PSMC6: variants seen among roughly 807,000 people sequenced by gnomAD.
PSMC6 encodes proteasome 26S subunit, ATPase 6.
In PSMC6, 3 loss-of-function variants were observed where a neutral mutation model predicts 55.9. The ratio of observed to expected loss-of-function variants is 0.05; its 90% CI spans 0.02 to 0.14. PSMC6 has a LOEUF of 0.14. Ranked by LOEUF, PSMC6 falls within the 10% of genes least tolerant of loss-of-function variation. PSMC6 has a pLI of 1.00. For synonymous variants in PSMC6, 137 were observed against 155.9 expected (o/e 0.88, Z 0.90); for missense variants, 210 against 478.7 (o/e 0.44, Z 5.24).
At chr14:52,713,825 A>C in intron 6 of PSMC6, 56 bp from the exon 7 acceptor site, 1 of 1,153,232 alleles carries the variant, frequency 8.7e-7, no homozygotes, top group Non-Finnish European at 1.3e-6. Flanking sequence ...AGAGTATTTG[A>C]AAGTACATTA....
At chr14:52,714,426 T>C (rs1050063324) in intron 7 of PSMC6, among the ~76,000 whole-genome samples, 13 of 152,232 alleles carry the variant, frequency 8.5e-5, no homozygotes, top group Admixed American at 8.5e-4. Flanking sequence ...TACTGTTCTT[T>C]GAGGCATGCT....
At position 52,718,137 on chromosome 14, in the gene PSMC6, T is replaced by G; in HGVS notation, c.586T>G (p.Leu196Val). The G allele has an allele frequency of 6.2e-7, 1 of 1,613,550 alleles. No individual in the cohort carries two copies. Among genetic ancestry groups the G allele is most frequent in the Non-Finnish European group, 8.5e-7 (1 of 1,179,614 alleles). The change falls in exon 8 of 14, where the codon TTA becomes GTA. Residue 196 changes from leucine (L) to valine (V), a missense_variant. Leu to Val is a conservative substitution (Grantham distance 32). This residue lies in a region of PSMC6 where 101 missense variants were observed against 250.4 expected (regional missense o/e 0.40). Coordinates refer to ENST00000445930, the MANE Select transcript of PSMC6 (RefSeq NM_002806.5). ...TGCTAGCCAGCTGGACTGCAATTTC[T>G]TAAAGGTAAAGGGAAGATTATTTTG... Reference protein sequence around the residue: ...AVASQLDCNFLKVVSSSIVDK... With the variant: ...AVASQLDCNFVKVVSSSIVDK...
In PSMC6 at chr14:52,720,995, C is replaced by T; in HGVS notation, c.898+14C>T. 4 of 1,611,120 alleles carry T rather than the reference C, an allele frequency of 2.5e-6. No individual in the cohort carries two copies. Among genetic ancestry groups the T allele is most frequent in the Non-Finnish European group, 3.4e-6 (4 of 1,178,144 alleles). On this transcript the variant is annotated intron_variant, in intron 11 of 13. Transcript: ENST00000445930. ...ATAGAAAAATACGTGAGTTAAGATT[C>T]TTTACCTACTGTCCATTTCCCTTTG...
chr14:52,708,031 C>T (rs952297166), intron 1 of PSMC6, among the ~76,000 whole-genome samples: 1 of 152,132 alleles, frequency 6.6e-6, no homozygotes, highest in African/African-American at 2.4e-5. Flanking sequence ...TCCTAAGTGT[C>T]AGGGTGTCAA....
At chr14:52,711,771 A>G (rs1447166683) in intron 6 of PSMC6, among the ~76,000 whole-genome samples, 1 of 152,172 alleles carries the variant, frequency 6.6e-6, no homozygotes, top group Non-Finnish European at 1.5e-5. Flanking sequence ...AGGAACGGAG[A>G]AAAAGCTAAA....
chr14:52,723,901 T>C, intron 12 of PSMC6, 64 bp from the exon 13 acceptor site: 2 of 1,587,660 alleles, frequency 1.3e-6, no homozygotes, highest in African/African-American at 1.4e-5. Flanking sequence ...AAATTTTCGA[T>C]GTGGGCATAA....
chr14:52,714,862 T>C (rs1039410204), intron 7 of PSMC6, among the ~76,000 whole-genome samples: 4 of 91,040 alleles, frequency 4.4e-5, no homozygotes, highest in Admixed American at 1.5e-4. Flanking sequence ...TGAGACTCCT[T>C]CTCAAAAAAA....
At chr14:52,714,550 T>A (rs2041809277) in intron 7 of PSMC6, among the ~76,000 whole-genome samples, 2 of 152,152 alleles carry the variant, frequency 1.3e-5, no homozygotes, top group South Asian at 4.1e-4. Context: ...CTCTGTAAGG[T>A]CAAAACTACT....
chr14:52,727,432 T>A, intron 13 of PSMC6, 67 bp from the exon 14 acceptor site: 6 of 1,040,894 alleles, frequency 5.8e-6, no homozygotes, highest in Non-Finnish European at 8.5e-6. Context: ...AATTATATTG[T>A]TTTTCTTATA....
At chr14:52,709,169 A>C (rs2041737312) in intron 4 of PSMC6, 1 of 204,626 alleles carries the variant, frequency 4.9e-6, no homozygotes, top group Non-Finnish European at 1.0e-5. Context: ...TTAGACATTC[A>C]GAACTGTTAC....
intron 7 of PSMC6, 87 bp downstream of exon 7, chr14:52,714,055 T>A: frequency 1.1e-6 from 1 of 928,688 alleles, no homozygotes; most frequent in African/African-American, 1.7e-5. Context: ...ATTTTTATTT[T>A]TTTGAGACAC....
intron 4 of PSMC6, chr14:52,709,932 A>T (rs1480274486): frequency 6.1e-6 from 1 of 163,394 alleles, no homozygotes; most frequent in Non-Finnish European, 1.3e-5. Flanking sequence ...AGATGTAAAC[A>T]TTGAAATAGC....
At chr14:52,717,990 A>G (rs2041848164) in intron 7 of PSMC6, 91 bp from the exon 8 acceptor site, 2 of 1,207,588 alleles carry the variant, frequency 1.7e-6, no homozygotes, top group African/African-American at 3.0e-5. Context: ...ATCTCGCCAC[A>G]CTCCAGCCTA....
intron 4 of PSMC6, 37 bp downstream of exon 4, chr14:52,708,853 C>G (rs753482910): frequency 1.3e-5 from 21 of 1,605,470 alleles, no homozygotes; most frequent in Non-Finnish European, 2.5e-6. Flanking sequence ...TGATGATTGA[C>G]AAAGCAGTTT....
intron 5 of PSMC6, 50 bp from the exon 6 acceptor site, chr14:52,711,360 T>C (rs1262659476): frequency 6.8e-7 from 1 of 1,471,318 alleles, no homozygotes; most frequent in Non-Finnish European, 9.4e-7. Flanking sequence ...ATCTGTAGGC[T>C]AAGAGAAAAT....
intron 7 of PSMC6, among the ~76,000 whole-genome samples, chr14:52,716,637 C>T (rs111871052): frequency 0.035 from 5,280 of 152,102 alleles, 316 homozygotes; most frequent in African/African-American, 0.12. Context: ...CCTGTAATCC[C>T]AGCTACTCGG....
intron 7 of PSMC6, among the ~76,000 whole-genome samples, chr14:52,716,120 A>G (rs2041827980): frequency 6.6e-6 from 1 of 152,222 alleles, no homozygotes; most frequent in African/African-American, 2.4e-5. Flanking sequence ...GGATAGACCA[A>G]TGTATTTTAA....
intron 9 of PSMC6, 170 bp from the exon 10 acceptor site, chr14:52,718,807 C>T: frequency 1.6e-6 from 1 of 608,734 alleles, no homozygotes; most frequent in South Asian, 2.1e-5. Context: ...TTCACTTTAA[C>T]AAAATGAGAA....
chr14:52,707,361 C>CA, intron 1 of PSMC6, 57 bp downstream of exon 1: 1 of 1,604,508 alleles, frequency 6.2e-7, no homozygotes, highest in Non-Finnish European at 8.5e-7. Context: ...CTGCCTCTGA[C>CA]AAAGCAGAAG....
Sources: gnomAD v4.1 joint callset for allele counts (sites outside exome capture counted in the v4.1 genomes callset) on GRCh38, gnomAD v4.1.1 for gene constraint, gnomAD v4.1.1 regional missense constraint, MANE v1.5 for transcripts, NCBI Gene and HGNC (gene_info 2026-07-23, HGNC 2026-07-21) for gene names.